The following DIS3L2 variants were observed in gnomAD, a reference collection of about 807,000 sequenced individuals.
DIS3L2 encodes DIS3 like 3'-5' exoribonuclease 2.
In DIS3L2, 34 loss-of-function variants were observed where a neutral mutation model predicts 97.5. The observed-to-expected ratio is 0.35, with a 90% confidence interval of 0.27 to 0.46. The LOEUF is 0.46. Among genes scored for constraint, DIS3L2 ranks in the 20% least tolerant of loss-of-function variants. DIS3L2 has a pLI of 1.00. For missense variants in DIS3L2, 1,038 were observed against 1,146.0 expected, an observed-to-expected ratio of 0.91 and a Z score of 1.36; for synonymous variants, 435 against 445.2, an observed-to-expected ratio of 0.98 and a Z score of 0.29.
chr2:232,203,509 T>C (rs1691950851), intron 9 of DIS3L2, among the ~76,000 whole-genome samples: 1 of 152,160 alleles, frequency 6.6e-6, no homozygotes, highest in Non-Finnish European at 1.5e-5. Flanking sequence ...GTGGCAAAAT[T>C]GAGTGGAAAA....
intron 9 of DIS3L2, among the ~76,000 whole-genome samples, chr2:232,183,568 G>T (rs1417290361): frequency 1.3e-5 from 2 of 152,196 alleles, no homozygotes; most frequent in African/African-American, 4.8e-5. Context: ...CCCTATGCAT[G>T]AGTGTGACCA....
intron 12 of DIS3L2, among the ~76,000 whole-genome samples, chr2:232,258,207 T>C (rs1046349695): frequency 6.6e-6 from 1 of 152,180 alleles, no homozygotes; most frequent in African/African-American, 2.4e-5. Context: ...TGTATTTAAT[T>C]TGACATTCTG....
At chr2:232,205,541 G>A (rs1467905424) in intron 9 of DIS3L2, among the ~76,000 whole-genome samples, 2 of 152,008 alleles carry the variant, frequency 1.3e-5, no homozygotes, top group African/African-American at 2.4e-5. Context: ...GACTCAAGCA[G>A]TCTGCCCACC....
intron 9 of DIS3L2, among the ~76,000 whole-genome samples, chr2:232,202,429 G>A (rs760596277): frequency 5.3e-5 from 8 of 152,150 alleles, no homozygotes; most frequent in Admixed American, 1.3e-4. Flanking sequence ...AACATAGAAC[G>A]ATGAGAGGTT....
intron 9 of DIS3L2, among the ~76,000 whole-genome samples, chr2:232,201,244 G>A (rs1691884617): frequency 6.6e-6 from 1 of 152,178 alleles, no homozygotes; most frequent in Non-Finnish European, 1.5e-5. Context: ...CCTTCTGAAG[G>A]TATGCACATC....
chr2:232,048,857 C>A (rs1425820549), intron 5 of DIS3L2, among the ~76,000 whole-genome samples: 5 of 152,112 alleles, frequency 3.3e-5, no homozygotes, highest in Admixed American at 6.5e-5. Context: ...AGCTTAGTTA[C>A]CTAATGTAAA....
At chr2:232,063,637 TTAAG>T (rs1364286124) in intron 5 of DIS3L2, among the ~76,000 whole-genome samples, 5 of 152,208 alleles carry the variant, frequency 3.3e-5, no homozygotes, top group Admixed American at 6.5e-5. Context: ...GCCATGTTAA[TTAAG>T]TCTTTCCTTC....
At chr2:231,969,468 G>C (rs181766216) in intron 1 of DIS3L2, among the ~76,000 whole-genome samples, 1 of 151,840 alleles carries the variant, frequency 6.6e-6, no homozygotes, top group Non-Finnish European at 1.5e-5. Context: ...GTGCCACCAC[G>C]CCCGGCTAAT....
At chr2:232,227,901 A>C (rs1352412631) in intron 10 of DIS3L2, among the ~76,000 whole-genome samples, 2 of 152,214 alleles carry the variant, frequency 1.3e-5, no homozygotes, top group East Asian at 3.8e-4. Flanking sequence ...AAACATTGAA[A>C]ATTATATATC....
At chr2:231,995,329 G>A (rs577616007) in intron 1 of DIS3L2, among the ~76,000 whole-genome samples, 5 of 152,154 alleles carry the variant, frequency 3.3e-5, no homozygotes, top group South Asian at 2.1e-4. Context: ...CTTTAAGTTC[G>A]TTTCTATGCT....
At chr2:232,120,255 A>G (rs73003110) in intron 6 of DIS3L2, among the ~76,000 whole-genome samples, 1,716 of 152,224 alleles carry the variant, frequency 0.011, 16 homozygotes, top group Non-Finnish European at 0.016. Context: ...ACTCCCATCA[A>G]TGCCGTTTGG....
intron 8 of DIS3L2, among the ~76,000 whole-genome samples, chr2:232,148,380 C>G (rs558169192): frequency 1.3e-5 from 2 of 152,186 alleles, no homozygotes; most frequent in African/African-American, 4.8e-5. Context: ...TCTAAGGCCC[C>G]CAAAGCATGA....
rs191037782 is a variant in DIS3L2 at position 232,327,195 on chromosome 2, C to T, written c.1740-2618C>T. Among the ~76,000 whole-genome samples, 5 of 152,366 alleles carry T rather than the reference C, an allele frequency of 3.3e-5. No individual in the cohort carries two copies. In the East Asian group the frequency reaches 7.7e-4, roughly 24 times the overall value. ...AGAGGAGTAACCAGGGGCCACCTCA[C>T]ACAGCCCTGCTCTTTCACCCTGCCC... On this transcript the variant is annotated intron_variant, in intron 14 of 20. Transcript: ENST00000325385.
intron 9 of DIS3L2, among the ~76,000 whole-genome samples, chr2:232,171,476 T>C (rs889584373): frequency 1.3e-5 from 2 of 152,196 alleles, no homozygotes; most frequent in African/African-American, 4.8e-5. Flanking sequence ...CCATCAGTGA[T>C]TGTCTGCCGC....
At chr2:232,148,513 A>G (rs915010107) in intron 8 of DIS3L2, among the ~76,000 whole-genome samples, 1 of 152,216 alleles carries the variant, frequency 6.6e-6, no homozygotes, top group African/African-American at 2.4e-5. Flanking sequence ...AACTTGAGAA[A>G]TGTTCTCTGG....
At position 232,015,621 on chromosome 2, in the gene DIS3L2, A is replaced by G. The variant is rs530571890; in HGVS notation, c.160A>G (p.Met54Val). 9.9e-6 allele frequency: 16 copies of G among 1,613,924 alleles called. No individual in the cohort carries two copies. Among genetic ancestry groups the G allele is most frequent in the African/African-American group, 2.7e-5 (2 of 74,908 alleles). ...GAAAAAGAGCATATTTGAAACTTAC[A>G]TGTCCAAGGAGGATGTTTCAGAAGG... is the stretch of plus-strand genomic sequence containing the variant. ...GKKKSIFETY[M>V]SKEDVSEGLK... The change falls in exon 3 of 21, where the codon ATG becomes GTG. Residue 54 changes from methionine to valine, a missense_variant. Met to Val is a conservative substitution (Grantham distance 21). Coordinates refer to ENST00000325385, the MANE Select transcript of DIS3L2 (RefSeq NM_152383.5).
chr2:232,246,188 C>T (rs1158725542), intron 11 of DIS3L2, among the ~76,000 whole-genome samples: 1 of 152,228 alleles, frequency 6.6e-6, no homozygotes, highest in African/African-American at 2.4e-5. Context: ...GCCCCAAATC[C>T]TCTTTGAAAG....
chr2:232,236,043 A>T (rs1351116315), intron 10 of DIS3L2, among the ~76,000 whole-genome samples: 1 of 152,212 alleles, frequency 6.6e-6, no homozygotes, highest in Non-Finnish European at 1.5e-5. Flanking sequence ...GGACTTAAGT[A>T]TTCCTTTATG....
chr2:232,174,109 A>G (rs926758416), intron 9 of DIS3L2, among the ~76,000 whole-genome samples: 10 of 152,090 alleles, frequency 6.6e-5, no homozygotes, highest in Non-Finnish European at 1.0e-4. Flanking sequence ...ATTTCTTTCA[A>G]TGATGTTTTG....
Sources: allele counts gnomAD v4.1 joint callset (sites outside exome capture counted in the v4.1 genomes callset), GRCh38; gene constraint gnomAD v4.1.1; transcripts MANE v1.5; gene names NCBI Gene and HGNC (gene_info 2026-07-23, HGNC 2026-07-21).